Variants in FLT1 observed in about 807,000 individuals in gnomAD.
FLT1 encodes the protein vascular endothelial growth factor receptor 1.
In FLT1, 49 loss-of-function variants were observed where a neutral mutation model predicts 156.3. That is an observed-to-expected ratio of 0.31 (90% CI 0.25 to 0.40). FLT1 has a LOEUF of 0.40. FLT1 is among the 10% of genes least tolerant of loss of function. The pLI, the probability that FLT1 is intolerant of heterozygous loss-of-function variation, is 1.00. For missense variants in FLT1, 1,322 were observed against 1,637.2 expected (o/e 0.81, Z 3.32); for synonymous variants, 594 against 583.8 (o/e 1.02, Z -0.25).
intron 20 of FLT1, 134 bp from the exon 21 acceptor site, chr13:28,323,080 AG>A: frequency 1.0e-6 from 1 of 954,770 alleles, no homozygotes; most frequent in Non-Finnish European, 1.7e-6. Context: ...GAACTAGCAC[AG>A]GGGCCCTACG....
intron 18 of FLT1, among the ~76,000 whole-genome samples, chr13:28,330,087 G>C (rs530446763): frequency 4.6e-5 from 7 of 152,316 alleles, no homozygotes; most frequent in East Asian, 3.9e-4. Flanking sequence ...ACCAGGCAGG[G>C]AGTACACCTC....
intron 1 of FLT1, among the ~76,000 whole-genome samples, chr13:28,493,255 A>G (rs1409437836): frequency 6.6e-6 from 1 of 152,276 alleles, no homozygotes; most frequent in East Asian, 1.9e-4. Flanking sequence ...CTAAGCAATT[A>G]TATTTTAATA....
chr13:28,446,684 T>C (rs1878636038), intron 3 of FLT1, among the ~76,000 whole-genome samples: 1 of 152,226 alleles, frequency 6.6e-6, no homozygotes, highest in African/African-American at 2.4e-5. Context: ...CTCATGTTCA[T>C]GGATTAGAAG....
chr13:28,447,273 G>A (rs1210682630), intron 3 of FLT1, among the ~76,000 whole-genome samples: 1 of 151,482 alleles, frequency 6.6e-6, no homozygotes, highest in African/African-American at 2.4e-5. Context: ...CAACATCCCA[G>A]GCGCAAGTGA....
At chr13:28,334,964 G>A (rs1210928833) in intron 17 of FLT1, among the ~76,000 whole-genome samples, 1 of 151,830 alleles carries the variant, frequency 6.6e-6, no homozygotes, top group Non-Finnish European at 1.5e-5. Context: ...ACTGAATATT[G>A]CTGCAGAATG....
chr13:28,426,870 G>C (rs1488950490), intron 10 of FLT1, among the ~76,000 whole-genome samples: 3 of 152,218 alleles, frequency 2.0e-5, no homozygotes, highest in Non-Finnish European at 4.4e-5. Flanking sequence ...GGAGACCAGA[G>C]TTCCAACCTG....
chr13:28,390,206 T>G (rs1204235108), intron 12 of FLT1, 102 bp from the exon 13 acceptor site: 2 of 1,481,592 alleles, frequency 1.3e-6, no homozygotes, highest in Admixed American at 3.9e-5. Context: ...ATTATCTCAG[T>G]ATCCACATTA....
intron 18 of FLT1, among the ~76,000 whole-genome samples, chr13:28,331,328 A>G (rs1051775497): frequency 1.3e-5 from 2 of 152,254 alleles, no homozygotes; most frequent in African/African-American, 2.4e-5. Flanking sequence ...ATAAATAAAC[A>G]CAATTACTCT....
At position 28,434,235 on chromosome 13, in the gene FLT1, G is replaced by A; in HGVS notation, c.514-15C>T. 6.2e-7 allele frequency: 1 copy of A among 1,613,284 alleles called. No individual in the cohort carries two copies. The highest frequency in any genetic ancestry group is 8.5e-7 in the Non-Finnish European group (1 of 1,179,580). On this transcript the variant is annotated splice_polypyrimidine_tract_variant and intron_variant, in intron 4 of 29. Transcript: ENST00000282397. ...TCAAGTGGAAACTGAAAAGGAAGAG[G>A]CATGCATTAACAAGGTCCTATTAGC...
At chr13:28,443,049 C>T (rs556457461) in intron 3 of FLT1, among the ~76,000 whole-genome samples, 22 of 152,290 alleles carry the variant, frequency 1.4e-4, no homozygotes, top group South Asian at 6.2e-4. Context: ...CAAAGACTGC[C>T]GGTGTACTGG....
At chr13:28,349,618 A>G (rs1262572929) in intron 15 of FLT1, among the ~76,000 whole-genome samples, 1 of 152,154 alleles carries the variant, frequency 6.6e-6, no homozygotes, top group African/African-American at 2.4e-5. Flanking sequence ...TCTGCATAAA[A>G]CCTCTGCAGA....
chr13:28,322,689 C>T lies in FLT1; in HGVS notation c.2953+101G>A, dbSNP rs189541572. 2.2e-5 allele frequency: 23 copies of T among 1,036,562 alleles called. No individual in the cohort carries two copies. In the East Asian group the frequency reaches 3.1e-4, roughly 14 times the overall value. The allele number at this position is 1,036,562 out of a possible 1,614,324, so 64.2% of individuals were successfully genotyped here. The stretch of plus-strand genomic sequence containing the variant: ...AGGACATTACCATTCGAGTCTCCCA[C>T]GGATGTTTATTAGAGTGATAAATAA... On this transcript the variant is annotated intron_variant, in intron 21 of 29. Coordinates refer to ENST00000282397, the MANE Select transcript of FLT1 (RefSeq NM_002019.4). The surrounding 1 kb of genome is among the most constrained non-coding windows in gnomAD (Gnocchi z 4.3).
intron 1 of FLT1, among the ~76,000 whole-genome samples, chr13:28,486,500 G>A (rs1445104703): frequency 2.0e-5 from 3 of 152,232 alleles, no homozygotes; most frequent in African/African-American, 7.2e-5. Context: ...AAGGCACGTG[G>A]GTGCCCGGGA....
chr13:28,434,337 G>A (rs1372631014), intron 4 of FLT1, 117 bp from the exon 5 acceptor site: 26 of 1,020,220 alleles, frequency 2.5e-5, no homozygotes, highest in Non-Finnish European at 3.2e-5. Flanking sequence ...GTAAAACTTT[G>A]TAGTTTGCTT....
At chr13:28,399,616 G>C (rs1875304345) in intron 11 of FLT1, among the ~76,000 whole-genome samples, 1 of 152,158 alleles carries the variant, frequency 6.6e-6, no homozygotes, top group Non-Finnish European at 1.5e-5. Flanking sequence ...AGTCAAATAG[G>C]TCCAAATTTA....
Position 28,439,531 on chromosome 13 carries a change from T to C in FLT1, c.389-1186A>G, listed in dbSNP as rs1228648636. On this transcript the variant is annotated intron_variant, in intron 3 of 29. Transcript: ENST00000282397. This position sits in a 1 kb window ranked among gnomAD's most constrained non-coding sequence, Gnocchi z 4.1. ...TAGAACTGTGTCCCCACCAAAACGATATGCTGAAGTCCTAACCCCCCTGTA... is the reference window on the plus strand; with the variant it reads ...TAGAACTGTGTCCCCACCAAAACGACATGCTGAAGTCCTAACCCCCCTGTA... Among the ~76,000 whole-genome samples, 1 of 152,234 alleles carries C rather than the reference T, an allele frequency of 6.6e-6. No homozygotes were observed. The highest frequency in any genetic ancestry group is 1.5e-5 in the Non-Finnish European group (1 of 68,038).
chr13:28,372,056 A>G (rs796156856), intron 14 of FLT1, among the ~76,000 whole-genome samples: 2,156 of 58,520 alleles, frequency 0.037, 50 homozygotes, highest in Admixed American at 0.073. Context: ...GTGTATATAT[A>G]TATATATATA....
chr13:28,311,962 G>T lies in FLT1; in HGVS notation c.3492+31C>A, dbSNP rs756222379. 4.2e-6 allele frequency: 6 copies of T among 1,429,626 alleles called. No individual in the cohort carries two copies. The Admixed American group carries it at 1.0e-4, about 24-fold the overall frequency. 88.6% of individuals were successfully genotyped at this position (1,429,626 alleles called of 1,614,324 possible). On this transcript the variant is annotated intron_variant, in intron 26 of 29. Coordinates refer to ENST00000282397, the MANE Select transcript of FLT1 (RefSeq NM_002019.4). ...AATGCCCCCCTGACGTACATTCAAA[G>T]GCATTTTGATGTAAATAAATTTAGT...
intron 1 of FLT1, among the ~76,000 whole-genome samples, chr13:28,483,696 T>A (rs1338835220): frequency 6.6e-6 from 1 of 152,144 alleles, no homozygotes; most frequent in Admixed American, 6.5e-5. Flanking sequence ...CTACGGGGCT[T>A]AAAGAAATGC....
Sources: allele counts gnomAD v4.1 joint callset (sites outside exome capture counted in the v4.1 genomes callset), GRCh38; gene constraint gnomAD v4.1.1; non-coding constraint Gnocchi (gnomAD v3.1); transcripts MANE v1.5; gene names NCBI Gene and HGNC (gene_info 2026-07-23, HGNC 2026-07-21).